CREB5: variants seen among roughly 807,000 people sequenced by gnomAD.
The protein encoded by CREB5 is cAMP responsive element binding protein 5, also known as cyclic AMP-responsive element-binding protein 5.
In CREB5, 19 loss-of-function variants were observed where a neutral mutation model predicts 57.1. The ratio of observed to expected loss-of-function variants is 0.33; its 90% confidence interval spans 0.23 to 0.49. The LOEUF is 0.49. Ranked by LOEUF, CREB5 falls within the 20% of genes least tolerant of loss-of-function variation. CREB5 has a pLI of 0.99. For missense variants in CREB5, 579 were observed against 671.6 expected, an observed-to-expected ratio of 0.86 and a Z score of 1.52; for synonymous variants, 238 against 238.3, an observed-to-expected ratio of 1.00 and a Z score of 0.01.
chr7:28,545,242 C>T (rs566817408), intron 4 of CREB5, among the ~76,000 whole-genome samples: 50 of 152,302 alleles, frequency 3.3e-4, no homozygotes, highest in African/African-American at 1.1e-3. Flanking sequence ...AGAAAACAAT[C>T]GAGAAAGAAT....
chr7:28,783,541 C>T lies in CREB5; in HGVS notation c.703-20658C>T, dbSNP rs115487616. On this transcript the variant is annotated intron_variant, in intron 7 of 10. Coordinates refer to ENST00000357727, the MANE Select transcript of CREB5 (RefSeq NM_182898.4). ...TGCATGCATTATAACCATTTGCTTA[C>T]AATTAGGTTATTTTGAAATTAAAAA... Among the ~76,000 whole-genome samples the T allele has an allele frequency of 7.2e-3, 1,097 of 152,258 alleles. 17 individuals carry two copies. Among genetic ancestry groups the T allele is most frequent in the African/African-American group, 0.025 (1,037 of 41,550 alleles).
At chr7:28,517,564 C>A (rs1793025859) in intron 4 of CREB5, among the ~76,000 whole-genome samples, 1 of 152,148 alleles carries the variant, frequency 6.6e-6, no homozygotes, top group South Asian at 2.1e-4. Context: ...GGTGGATTTT[C>A]CCCCCTGAAT....
At chr7:28,507,913 G>C (rs1377278900) in intron 4 of CREB5, among the ~76,000 whole-genome samples, 176 bp downstream of exon 4, 1 of 152,130 alleles carries the variant, frequency 6.6e-6, no homozygotes, top group Non-Finnish European at 1.5e-5. Flanking sequence ...AGAATTCAAA[G>C]CTAGATAAAT....
At chr7:28,648,527 G>C (rs1166647107) in intron 5 of CREB5, among the ~76,000 whole-genome samples, 2 of 152,076 alleles carry the variant, frequency 1.3e-5, no homozygotes, top group African/African-American at 4.8e-5. Flanking sequence ...CTTGAGCTCA[G>C]GAGTTCAAGA....
chr7:28,595,844 G>T (rs1234894979), intron 5 of CREB5, among the ~76,000 whole-genome samples: 1 of 152,130 alleles, frequency 6.6e-6, no homozygotes, highest in Non-Finnish European at 1.5e-5. Context: ...GAAATCAGAG[G>T]GGCCAGGCCA....
chr7:28,406,097 T>C (rs1787574044), intron 1 of CREB5, among the ~76,000 whole-genome samples: 1 of 152,194 alleles, frequency 6.6e-6, no homozygotes, highest in East Asian at 1.9e-4. Flanking sequence ...ACTGGGCAGA[T>C]CTGCTAATGT....
At chr7:28,652,726 C>A (rs1361123926) in intron 5 of CREB5, among the ~76,000 whole-genome samples, 1 of 152,226 alleles carries the variant, frequency 6.6e-6, no homozygotes, top group African/African-American at 2.4e-5. Flanking sequence ...TATCCTCTTA[C>A]ACATATTCAC....
At chr7:28,496,810 T>C (rs1792079126) in intron 3 of CREB5, among the ~76,000 whole-genome samples, 1 of 151,770 alleles carries the variant, frequency 6.6e-6, no homozygotes, top group African/African-American at 2.4e-5. Context: ...TTTTTTTTTT[T>C]TATGAGCTTG....
At chr7:28,306,560 T>TTTC (rs1785189876) in intron 1 of CREB5, among the ~76,000 whole-genome samples, 1 of 91,498 alleles carries the variant, frequency 1.1e-5, no homozygotes, top group Non-Finnish European at 2.3e-5. Flanking sequence ...TTTTTGTTTT[T>TTTC]TTTTTTTTTT....
At chr7:28,787,192 G>T (rs1381574785) in intron 7 of CREB5, among the ~76,000 whole-genome samples, 1 of 152,100 alleles carries the variant, frequency 6.6e-6, no homozygotes, top group Non-Finnish European at 1.5e-5. Flanking sequence ...TCCCCATGTG[G>T]CCCAGTGGCT....
At chr7:28,322,209 C>T (rs894300986) in intron 1 of CREB5, among the ~76,000 whole-genome samples, 4 of 152,032 alleles carry the variant, frequency 2.6e-5, no homozygotes, top group African/African-American at 9.7e-5. Context: ...CAATTGGCTC[C>T]TTGGGTAAAA....
At chr7:28,393,292 T>C (rs2127998199) in intron 1 of CREB5, among the ~76,000 whole-genome samples, 1 of 152,338 alleles carries the variant, frequency 6.6e-6, no homozygotes, top group African/African-American at 2.4e-5. Context: ...TCTCTCAAAA[T>C]CATTGCTTCC....
chr7:28,313,575 A>G (rs1302426893), intron 1 of CREB5, among the ~76,000 whole-genome samples: 1 of 152,178 alleles, frequency 6.6e-6, no homozygotes, highest in African/African-American at 2.4e-5. Flanking sequence ...ACTTCAATTG[A>G]GCAAATGTAT....
chr7:28,495,045 C>A, intron 3 of CREB5, 46 bp downstream of exon 3: 1 of 1,339,800 alleles, frequency 7.5e-7, no homozygotes, highest in Non-Finnish European at 1.0e-6. Context: ...CAGATCTGTT[C>A]CATGCGAGAT....
intron 5 of CREB5, among the ~76,000 whole-genome samples, chr7:28,689,745 G>T (rs137919146): frequency 4.6e-5 from 7 of 152,156 alleles, no homozygotes; most frequent in African/African-American, 1.4e-4. Flanking sequence ...TGCAATCTTT[G>T]GGGGAATAAA....
intron 2 of CREB5, among the ~76,000 whole-genome samples, chr7:28,493,139 A>G (rs1408008337): frequency 1.3e-5 from 2 of 152,244 alleles, no homozygotes; most frequent in African/African-American, 4.8e-5. Context: ...ATACAAATCC[A>G]TGCCATTTGC....
chr7:28,300,314 G>A (rs1287476547), intron 1 of CREB5, among the ~76,000 whole-genome samples: 2 of 152,108 alleles, frequency 1.3e-5, no homozygotes, highest in African/African-American at 2.4e-5. Flanking sequence ...TAATATTTGT[G>A]TCAACATTCA....
chr7:28,736,070 A>G (rs946744165), intron 7 of CREB5, among the ~76,000 whole-genome samples: 1 of 152,168 alleles, frequency 6.6e-6, no homozygotes, highest in African/African-American at 2.4e-5. Context: ...AAGCTCTGGG[A>G]TTACAGGCAT....
rs982878792 is a variant in CREB5, at chr7:28,702,143, C to T, written c.465-16610C>T. ...TTCTTCCTTATAAGGAATAGCAGTC[C>T]GTGGCACTTATAATTATAGCTCTTT... is the stretch of plus-strand genomic sequence containing the variant. On this transcript the variant is annotated intron_variant, in intron 5 of 10. Transcript: ENST00000357727. Among the ~76,000 whole-genome samples, 9 of 152,056 alleles carry T rather than the reference C, an allele frequency of 5.9e-5. No individual in the cohort carries two copies. The East Asian group carries it at 7.7e-4, about 13-fold the overall frequency.
Sources: gnomAD v4.1 joint callset for allele counts (sites outside exome capture counted in the v4.1 genomes callset) on GRCh38, gnomAD v4.1.1 for gene constraint, MANE v1.5 for transcripts, NCBI Gene and HGNC (gene_info 2026-07-23, HGNC 2026-07-21) for gene names.